Variants in CXADR observed in about 807,000 individuals in gnomAD.
CXADR encodes CXADR cell adhesion molecule.
Under a neutral mutation model 40.3 loss-of-function variants are expected in CXADR, and 20 were observed. The ratio of observed to expected loss-of-function variants is 0.50; its 90% CI spans 0.35 to 0.72. The LOEUF (loss-of-function observed/expected upper bound fraction) is 0.72. Ranked by LOEUF, CXADR falls within the 30% of genes least tolerant of loss-of-function variation. The pLI is 0.01. For synonymous variants in CXADR, 150 were observed against 161.3 expected, an observed-to-expected ratio of 0.93 and a Z score of 0.53; for missense variants, 332 against 449.1, an observed-to-expected ratio of 0.74 and a Z score of 2.36.
chr21:17,593,120 TTATA>T (rs1555876860), intron 7 of CXADR: 1 of 1,389,244 alleles, frequency 7.2e-7, no homozygotes, highest in Non-Finnish European at 9.4e-7. Flanking sequence ...ATCAAAACTC[TTATA>T]GAGATATCTC....
At chr21:17,513,314 A>C in intron 1 of CXADR, 142 bp downstream of exon 1, 1 of 838,224 alleles carries the variant, frequency 1.2e-6, no homozygotes, top group Non-Finnish European at 1.6e-6. Flanking sequence ...GGCGGGCAGA[A>C]TTGCACAGGG....
chr21:17,577,612 C>CTTTTTTTTTTTTTTTTTTTTTTT (rs532541050), intron 7 of CXADR, among the ~76,000 whole-genome samples: 12 of 36,576 alleles, frequency 3.3e-4, no homozygotes, highest in East Asian at 2.2e-3. Flanking sequence ...ATTCTGCAAG[C>CTTTTTTTTTTTTTTTTTTTTTTT]TTTTTTTTTT....
the CXADR span, among the ~76,000 whole-genome samples, chr21:17,621,960 T>C: frequency 3.3e-5 from 5 of 152,200 alleles, no homozygotes; most frequent in African/African-American, 9.7e-5. Context: ...AAAGGGTTTG[T>C]ATGTGGTTGG....
chr21:17,531,881 G>A, intron 1 of CXADR, among the ~76,000 whole-genome samples: 1 of 151,788 alleles, frequency 6.6e-6, no homozygotes, highest in East Asian at 1.9e-4. Context: ...ACAGGCTTGA[G>A]CTACGGTACC....
rs201516962 is a variant in CXADR at position 17,561,244 on chromosome 21, G to A, written c.695-94G>A. 4 of 452,340 alleles carry A rather than the reference G, an allele frequency of 8.8e-6. No individual in the cohort carries two copies. In the South Asian group the frequency reaches 1.9e-4, roughly 22 times the overall value. 28.0% of individuals were successfully genotyped at this position (452,340 alleles called of 1,614,324 possible). A position where few individuals can be genotyped will look rare whatever the true frequency, so the allele number is the denominator to read the frequency against. ...AAATAATTTGTCTTAAAGTTAACAC[G>A]TGATGAAATCAATCTAAAAATGTAT... On this transcript the variant is annotated intron_variant, in intron 5 of 6. Transcript: ENST00000284878.
chr21:17,610,761 A>G, the CXADR span, among the ~76,000 whole-genome samples: 1 of 152,258 alleles, frequency 6.6e-6, no homozygotes, highest in Non-Finnish European at 1.5e-5. Context: ...TATGTTTAGC[A>G]TAAAAACAAC....
rs919453207 is a variant in CXADR at position 17,527,681 on chromosome 21, G to A, written c.43+14509G>A. On this transcript the variant is annotated intron_variant, in intron 1 of 6. Transcript: ENST00000284878. ...AAGGTATTCTGATTATTCCTTCCAT[G>A]CCTTAACTGGCATCTCTAAACCATT... Among the ~76,000 whole-genome samples the A allele has an allele frequency of 9.9e-5, 15 of 152,270 alleles. 1 individual carries two copies. The East Asian group carries it at 2.9e-3, about 29-fold the overall frequency.
chr21:17,517,866 A>G (rs943836276), intron 1 of CXADR, among the ~76,000 whole-genome samples: 3 of 152,216 alleles, frequency 2.0e-5, no homozygotes, highest in African/African-American at 7.2e-5. Context: ...TTAGGAAGCA[A>G]GCTAGTAAAA....
At chr21:17,555,824 G>A (rs1446356749) in intron 3 of CXADR, among the ~76,000 whole-genome samples, 1 of 152,048 alleles carries the variant, frequency 6.6e-6, no homozygotes, top group Admixed American at 6.6e-5. Flanking sequence ...TTTGCCTATT[G>A]ATTTTAGCAT....
At chr21:17,612,866 G>A in the CXADR span, 2 of 152,106 alleles carry the variant, frequency 1.3e-5, no homozygotes, top group Admixed American at 6.5e-5. Flanking sequence ...AGCGCGCGTT[G>A]AGAGGACTGG....
the CXADR span, among the ~76,000 whole-genome samples, chr21:17,631,880 C>T: frequency 5.9e-5 from 9 of 152,280 alleles, no homozygotes; most frequent in Non-Finnish European, 8.8e-5. Context: ...ATTTGGATCA[C>T]GGCTCACTGC....
intron 1 of CXADR, among the ~76,000 whole-genome samples, chr21:17,521,051 G>T (rs1177383564): frequency 6.6e-6 from 1 of 152,182 alleles, no homozygotes; most frequent in Non-Finnish European, 1.5e-5. Context: ...GGTGGCGTCT[G>T]TATAAAGTTA....
chr21:17,630,261 G>C, the CXADR span, among the ~76,000 whole-genome samples: 2 of 152,100 alleles, frequency 1.3e-5, no homozygotes, highest in African/African-American at 4.8e-5. Flanking sequence ...CAAAAATAGA[G>C]AGCAAAGCAC....
rs540936970 is a variant in CXADR, at chr21:17,531,159, G to C, written c.44-15868G>C. On this transcript the variant is annotated intron_variant, in intron 1 of 6. Coordinates refer to ENST00000284878, the MANE Select transcript of CXADR (RefSeq NM_001338.5). ...CTAAAAATACAAAGCTTAGTTGGTC[G>C]TGGTGGCAGGGCGCCTATAATCCCA... 5.9e-5 allele frequency among the ~76,000 whole-genome samples: 9 copies of C among 151,884 alleles called. 1 individual carries two copies. The South Asian group carries it at 1.7e-3, about 28-fold the overall frequency.
chr21:17,592,894 C>G (rs749752741), intron 7 of CXADR, among the ~76,000 whole-genome samples: 7 of 151,790 alleles, frequency 4.6e-5, no homozygotes, highest in Admixed American at 1.3e-4. Flanking sequence ...TACTATTGAG[C>G]TATACCTTTA....
intron 7 of CXADR, among the ~76,000 whole-genome samples, chr21:17,592,751 A>G (rs2061450807): frequency 6.6e-6 from 1 of 151,922 alleles, no homozygotes; most frequent in Non-Finnish European, 1.5e-5. Flanking sequence ...GATTTCAGGA[A>G]AAGAGTAGAT....
intron 1 of CXADR, among the ~76,000 whole-genome samples, chr21:17,520,537 C>A (rs2060517880): frequency 6.6e-6 from 1 of 152,172 alleles, no homozygotes; most frequent in South Asian, 2.1e-4. Context: ...GTTATGCACC[C>A]TAACCCCACG....
chr21:17,604,159 G>A, the CXADR span: 1 of 1,280,568 alleles, frequency 7.8e-7, no homozygotes, highest in Non-Finnish European at 1.0e-6. Context: ...TCAAAAAGGA[G>A]GAGGCCGGGC....
At chr21:17,631,512 C>CT in the CXADR span, among the ~76,000 whole-genome samples, 5 of 152,206 alleles carry the variant, frequency 3.3e-5, no homozygotes, top group African/African-American at 1.2e-4. Flanking sequence ...AACTTGTATT[C>CT]TTTTTTAATG....
Sources: gnomAD v4.1 joint callset for allele counts (sites outside exome capture counted in the v4.1 genomes callset) on GRCh38, gnomAD v4.1.1 for gene constraint, MANE v1.5 for transcripts, NCBI Gene and HGNC (gene_info 2026-07-23, HGNC 2026-07-21) for gene names.